The following ANTXRL variants were observed in gnomAD, a reference collection of about 807,000 sequenced individuals.
The protein encoded by ANTXRL is ANTXR like.
A neutral mutation model predicts 75.4 loss-of-function variants in ANTXRL; 63 were observed. The observed-to-expected ratio is 0.84, with a 90% CI of 0.68 to 1.03. ANTXRL has a LOEUF of 1.03. Among genes scored for constraint, ANTXRL ranks in the 50% least tolerant of loss-of-function variants. The probability of loss-of-function intolerance (pLI) is 0.00; values close to 1 mark genes in which losing one functional copy is unlikely to be tolerated. For missense variants in ANTXRL, 797 were observed against 789.4 expected (o/e 1.01, Z -0.12); for synonymous variants, 335 against 291.3 (o/e 1.15, Z -1.53).
intron 16 of ANTXRL, among the ~76,000 whole-genome samples, chr10:46,315,099 A>G (rs1470588659): frequency 3.3e-5 from 5 of 152,286 alleles, no homozygotes; most frequent in African/African-American, 1.2e-4. Context: ...AGGGTCTAAC[A>G]TGAATCATGC....
At chr10:46,327,660 AT>A (rs1565059208) in intron 16 of ANTXRL, among the ~76,000 whole-genome samples, 1 of 152,100 alleles carries the variant, frequency 6.6e-6, no homozygotes, top group Non-Finnish European at 1.5e-5. Context: ...CATTTGAGGC[AT>A]TTGTCACTCA....
chr10:46,303,092 C>T lies in ANTXRL; in HGVS notation c.895+272C>T, dbSNP rs184518530. 2.8e-3 allele frequency among the ~76,000 whole-genome samples: 425 copies of T among 152,286 alleles called. 1 individual carries two copies. Among genetic ancestry groups the T allele is most frequent in the East Asian group, 0.014 (74 of 5,178 alleles). On this transcript the variant is annotated intron_variant, in intron 10 of 16. Transcript: ENST00000620264. ...GAGGCTGGGTTTAGGACTGGGTCTG[C>T]GATCACAGCTGCATCTGCCCACCTT...
chr10:46,316,746 C>G (rs1366997414), intron 16 of ANTXRL, among the ~76,000 whole-genome samples: 1 of 152,138 alleles, frequency 6.6e-6, no homozygotes, highest in Non-Finnish European at 1.5e-5. Flanking sequence ...ACGTTTCATT[C>G]AACGTCATCT....
At chr10:46,293,969 A>G (rs36022937) in intron 3 of ANTXRL, 69 bp downstream of exon 3, 63,339 of 1,437,106 alleles carry the variant, frequency 0.044, 1,532 homozygotes, top group Middle Eastern at 0.073. Flanking sequence ...AGGGAGCTGA[A>G]GGGCTCCCGG....
At chr10:46,289,506 T>A (rs1836895943) in intron 1 of ANTXRL, among the ~76,000 whole-genome samples, 1 of 152,128 alleles carries the variant, frequency 6.6e-6, no homozygotes, top group Non-Finnish European at 1.5e-5. Flanking sequence ...GGCAAGAGGA[T>A]CGCTTGAGTC....
chr10:46,320,731 C>G (rs1838940373), intron 16 of ANTXRL, among the ~76,000 whole-genome samples: 1 of 149,492 alleles, frequency 6.7e-6, no homozygotes, highest in Non-Finnish European at 1.5e-5. Context: ...GTCTTTGTCT[C>G]AAAAAAAAAA....
chr10:46,300,989 C>CTT (rs1837697200), intron 9 of ANTXRL, among the ~76,000 whole-genome samples: 1 of 150,288 alleles, frequency 6.7e-6, no homozygotes, highest in African/African-American at 2.5e-5. Flanking sequence ...TCTCTCCCAC[C>CTT]CCCCCTCTCT....
chr10:46,311,397 C>T lies in ANTXRL; in HGVS notation c.1174-113C>T. 4 of 1,383,078 alleles carry T rather than the reference C, an allele frequency of 2.9e-6. No homozygotes were observed. In the African/African-American group the frequency reaches 4.4e-5, roughly 15 times the overall value. 85.7% of individuals were successfully genotyped at this position (1,383,078 alleles called of 1,614,324 possible). On this transcript the variant is annotated intron_variant, in intron 14 of 16. Coordinates refer to ENST00000620264, the MANE Select transcript of ANTXRL (RefSeq NM_001278688.3). ...CGTGTTTTTCACATGAAGGACCCTCCACTGTGGTGTGGGTTTCTTTCTGGT... is the reference window on the plus strand; with the variant it reads ...CGTGTTTTTCACATGAAGGACCCTCTACTGTGGTGTGGGTTTCTTTCTGGT...
At position 46,287,157 on chromosome 10, in the gene ANTXRL, G is replaced by A; in HGVS notation, c.-106G>A. The A allele has an allele frequency of 7.1e-7, 1 of 1,404,210 alleles. No homozygotes were observed. The highest frequency in any genetic ancestry group is 9.4e-7 in the Non-Finnish European group (1 of 1,061,262). 87.0% of individuals were successfully genotyped at this position (1,404,210 alleles called of 1,614,324 possible). On this transcript the variant is annotated 5_prime_UTR_variant, in exon 1 of 17. Transcript: ENST00000620264. Reference sequence around the variant, plus strand: ...GTGAAAGGGCAGGAGGAGGGGTGTGGCCCCGGGCATAAGGGGAGGCGGCAA... The same window carrying A: ...GTGAAAGGGCAGGAGGAGGGGTGTGACCCCGGGCATAAGGGGAGGCGGCAA...
At position 46,314,465 on chromosome 10, in the gene ANTXRL, C is replaced by T. The variant is rs374672579; in HGVS notation, c.1410+1149C>T. On this transcript the variant is annotated intron_variant, in intron 16 of 16. Transcript: ENST00000620264. The stretch of plus-strand genomic sequence containing the variant: ...GACACTTAGGAGGGATAGAGCTTGA[C>T]GGCCGAGTGTGAAAACAGGCACCTC... Among the ~76,000 whole-genome samples the T allele has an allele frequency of 4.6e-5, 7 of 152,138 alleles. No individual in the cohort carries two copies. The South Asian group carries it at 6.2e-4, about 14-fold the overall frequency.
At chr10:46,295,327 G>C (rs1252386016) in intron 3 of ANTXRL, among the ~76,000 whole-genome samples, 1 of 152,198 alleles carries the variant, frequency 6.6e-6, no homozygotes, top group Admixed American at 6.5e-5. Flanking sequence ...AAAGGACGGA[G>C]TGCCCAACAC....
chr10:46,315,169 T>C (rs1159806749), intron 16 of ANTXRL, among the ~76,000 whole-genome samples: 2 of 152,208 alleles, frequency 1.3e-5, no homozygotes, highest in African/African-American at 4.8e-5. Context: ...AGGGTCAGAC[T>C]GTAAGCCTAG....
rs188259726 is a variant in ANTXRL at position 46,306,134 on chromosome 10, G to A, written c.896-669G>A. Reference sequence around the variant, plus strand: ...AGCATTGGCACATGCCACTCTCTCAGCCCCAAGCACCTTTACCTGGGATCT... The same window carrying A: ...AGCATTGGCACATGCCACTCTCTCAACCCCAAGCACCTTTACCTGGGATCT... On this transcript the variant is annotated intron_variant, in intron 10 of 16. Transcript: ENST00000620264. Among the ~76,000 whole-genome samples, 9 of 152,250 alleles carry A rather than the reference G, an allele frequency of 5.9e-5. No homozygotes were observed. The East Asian group carries it at 1.5e-3, about 26-fold the overall frequency.
At chr10:46,286,895 A>G, upstream of ANTXRL, 1 of 301,732 alleles carries the variant, frequency 3.3e-6, no homozygotes, top group Non-Finnish European at 6.2e-6. Flanking sequence ...TTCCTCTTGT[A>G]GCCCCTCCAA....
intron 9 of ANTXRL, among the ~76,000 whole-genome samples, chr10:46,301,405 C>T (rs1554960550): frequency 6.6e-6 from 1 of 152,228 alleles, no homozygotes; most frequent in Non-Finnish European, 1.5e-5. Flanking sequence ...CCACCAGGCC[C>T]AGGCTCTTCC....
chr10:46,322,824 A>C (rs2132904027), intron 16 of ANTXRL, among the ~76,000 whole-genome samples: 1 of 152,282 alleles, frequency 6.6e-6, no homozygotes, highest in South Asian at 2.1e-4. Context: ...ATTGACTTGG[A>C]TCAATCTTAT....
intron 1 of ANTXRL, among the ~76,000 whole-genome samples, 188 bp downstream of exon 1, chr10:46,287,698 T>G (rs1836821411): frequency 6.6e-6 from 1 of 152,136 alleles, no homozygotes; most frequent in Non-Finnish European, 1.5e-5. Context: ...TTCTTTTCCC[T>G]GGTGCTTCAT....
At position 46,298,056 on chromosome 10, in the gene ANTXRL, G is replaced by A. The variant is rs1229267724; in HGVS notation, c.790G>A (p.Val264Ile). The A allele has an allele frequency of 2.0e-6, 3 of 1,535,584 alleles. No individual in the cohort carries two copies. The highest frequency in any genetic ancestry group is 2.4e-5 in the East Asian group (1 of 40,918). The stretch of plus-strand genomic sequence containing the variant: ...ATCGGTGGAGCCTTCCTCTGAGTGT[G>A]TAGGAGGTGAGAGCTGCGGAGGCCC... Reference protein sequence around the residue: ...VTSVEPSSECVGEPYHVVIHG... With the variant: ...VTSVEPSSECIGEPYHVVIHG... Residue 264 changes from valine (V) to isoleucine (I), a missense_variant, in exon 9 of 17, where the codon GTA (valine) becomes ATA (isoleucine). By Grantham distance (29) the Val-to-Ile change is conservative (BLOSUM62 3). Coordinates refer to ENST00000620264, the MANE Select transcript of ANTXRL (RefSeq NM_001278688.3).
chr10:46,304,730 A>G (rs1238205210), intron 10 of ANTXRL, among the ~76,000 whole-genome samples: 3 of 152,178 alleles, frequency 2.0e-5, no homozygotes, highest in Admixed American at 1.3e-4. Flanking sequence ...GAGAAGCATG[A>G]TGGAAGAGCC....
Sources: allele counts gnomAD v4.1 joint callset (sites outside exome capture counted in the v4.1 genomes callset), GRCh38; gene constraint gnomAD v4.1.1; transcripts MANE v1.5; gene names NCBI Gene and HGNC (gene_info 2026-07-23, HGNC 2026-07-21).